The following BRINP3 variants were observed in gnomAD, a reference collection of about 807,000 sequenced individuals.
The protein encoded by BRINP3 is BMP/retinoic acid inducible neural specific 3.
In BRINP3, 19 loss-of-function variants were observed where a neutral mutation model predicts 71.0. The ratio of observed to expected loss-of-function variants is 0.27; its 90% CI spans 0.19 to 0.39. The LOEUF (loss-of-function observed/expected upper bound fraction) is 0.39, where lower values mean the gene tolerates loss of function less well. Among genes scored for constraint, BRINP3 ranks in the 10% least tolerant of loss-of-function variants. BRINP3 has a pLI of 1.00. For missense variants in BRINP3, 959 were observed against 940.8 expected, an observed-to-expected ratio of 1.02 and a Z score of -0.25; for synonymous variants, 380 against 337.7, an observed-to-expected ratio of 1.13 and a Z score of -1.37.
At position 190,098,165 on chromosome 1, in the gene BRINP3, C is replaced by T; in HGVS notation, c.2154G>A (p.Gln718=). The change falls in exon 8 of 8, where the codon CAG becomes CAA. Residue 718 remains glutamine (Q), a synonymous_variant. Transcript: ENST00000367462. The stretch of plus-strand genomic sequence containing the variant: ...AGCAAGAGAAAAGATCTAGACGACG[C>T]TGACCAGGTGGGGAGAGTTTATTTA... The part of the protein sequence containing the change: ...DRVNKLSPPG[Q]RRLDLFSCLL... 2.5e-6 allele frequency: 4 copies of T among 1,614,168 alleles called. No individual in the cohort carries two copies. Among genetic ancestry groups the T allele is most frequent in the Non-Finnish European group, 3.4e-6 (4 of 1,180,030 alleles).
chr1:190,361,169 G>T (rs952301528), intron 2 of BRINP3, among the ~76,000 whole-genome samples: 19 of 151,944 alleles, frequency 1.3e-4, no homozygotes, highest in African/African-American at 4.6e-4. Context: ...AAGGAGGGCT[G>T]TAAGAAAGAG....
At position 190,283,248 on chromosome 1, in the gene BRINP3, C is replaced by G. The variant is rs775446481; in HGVS notation, c.237-1498G>C. Among the ~76,000 whole-genome samples the G allele has an allele frequency of 1.2e-3, 183 of 151,892 alleles. 1 individual carries two copies. Among genetic ancestry groups the G allele is most frequent in the Non-Finnish European group, 8.8e-5 (6 of 67,924 alleles). On this transcript the variant is annotated intron_variant, in intron 2 of 7. Transcript: ENST00000367462. Reference sequence around the variant, plus strand: ...TAAAGTTTTAATTAGTGTTTTTCCTCGAAGGGTTCTCAAACTTCAGCACCT... The same window carrying G: ...TAAAGTTTTAATTAGTGTTTTTCCTGGAAGGGTTCTCAAACTTCAGCACCT...
At chr1:190,383,500 A>C (rs1477592814) in intron 2 of BRINP3, among the ~76,000 whole-genome samples, 2 of 152,058 alleles carry the variant, frequency 1.3e-5, no homozygotes, top group African/African-American at 4.8e-5. Flanking sequence ...ATAAACTATA[A>C]GTTACTCATA....
intron 7 of BRINP3, among the ~76,000 whole-genome samples, chr1:190,115,663 C>T (rs1376694773): frequency 6.6e-6 from 1 of 152,090 alleles, no homozygotes; most frequent in Non-Finnish European, 1.5e-5. Flanking sequence ...CCTCACCAAC[C>T]TCAGTGGTTT....
intron 6 of BRINP3, among the ~76,000 whole-genome samples, chr1:190,221,665 C>T (rs1453230763): frequency 6.6e-6 from 1 of 151,944 alleles, no homozygotes; most frequent in Non-Finnish European, 1.5e-5. Context: ...ATGTTGCCTT[C>T]AAAAAATCCA....
At chr1:190,345,715 G>GGA (rs776250039) in intron 2 of BRINP3, among the ~76,000 whole-genome samples, 12 of 103,630 alleles carry the variant, frequency 1.2e-4, no homozygotes, top group Admixed American at 2.1e-4. Flanking sequence ...TTTACCTTCA[G>GGA]AAAAAAAAAA....
chr1:190,098,461 T>A lies in BRINP3; in HGVS notation c.1858A>T (p.Thr620Ser). ...TAGATGTGTACTGTCTCAAAAAATGTCTTCCATTTGTTCCCCAGAGTTAAT... is the reference window on the plus strand; with the variant it reads ...TAGATGTGTACTGTCTCAAAAAATGACTTCCATTTGTTCCCCAGAGTTAAT... ...WTLTLGNKWKTFFETVHIYLR... is the reference protein window; with the variant it reads ...WTLTLGNKWKSFFETVHIYLR... Residue 620 changes from threonine (T) to serine (S), a missense_variant, in exon 8 of 8, where the codon ACA (threonine) becomes TCA (serine). Coordinates refer to ENST00000367462, the MANE Select transcript of BRINP3 (RefSeq NM_199051.3). 1 of 1,614,174 alleles carries A rather than the reference T, an allele frequency of 6.2e-7. No individual in the cohort carries two copies. Among genetic ancestry groups the A allele is most frequent in the Non-Finnish European group, 8.5e-7 (1 of 1,180,022 alleles).
intron 3 of BRINP3, among the ~76,000 whole-genome samples, chr1:190,272,869 C>A (rs1037478334): frequency 6.6e-6 from 1 of 151,402 alleles, no homozygotes. Context: ...CATAATAGTT[C>A]TTTTAATGAA....
At chr1:190,313,948 G>A (rs1489232693) in intron 2 of BRINP3, among the ~76,000 whole-genome samples, 1 of 151,898 alleles carries the variant, frequency 6.6e-6, no homozygotes, top group Non-Finnish European at 1.5e-5. Flanking sequence ...TTAATGTCTT[G>A]ACTAATCTTT....
At chr1:190,315,295 C>A (rs1370821838) in intron 2 of BRINP3, among the ~76,000 whole-genome samples, 1 of 152,032 alleles carries the variant, frequency 6.6e-6, no homozygotes, top group Admixed American at 6.6e-5. Context: ...CCCCCAGAGT[C>A]CAAATTAAAA....
rs571005875 is a variant in BRINP3, at chr1:190,236,681, T to C, written c.619-2204A>G. 2.6e-5 allele frequency among the ~76,000 whole-genome samples: 4 copies of C among 152,064 alleles called. No homozygotes were observed. The East Asian group carries it at 7.7e-4, about 29-fold the overall frequency. On this transcript the variant is annotated intron_variant, in intron 4 of 7. Coordinates refer to ENST00000367462, the MANE Select transcript of BRINP3 (RefSeq NM_199051.3). ...CTACTGATACTGAATAGACCTTACT[T>C]TGTTTAGAGAAATAATGTATAGTGT...
intron 2 of BRINP3, among the ~76,000 whole-genome samples, chr1:190,354,559 T>C (rs1668607383): frequency 2.6e-5 from 4 of 152,138 alleles, no homozygotes; most frequent in Admixed American, 2.6e-4. Flanking sequence ...TACAGTGAAC[T>C]ATTTGGTTAA....
chr1:190,267,261 C>T (rs1178105275), intron 3 of BRINP3, among the ~76,000 whole-genome samples: 1 of 151,904 alleles, frequency 6.6e-6, no homozygotes, highest in Non-Finnish European at 1.5e-5. Context: ...ACAAAGAAAC[C>T]TTTAGTAAAT....
At chr1:190,132,284 G>T (rs1016832021) in intron 7 of BRINP3, among the ~76,000 whole-genome samples, 1 of 151,868 alleles carries the variant, frequency 6.6e-6, no homozygotes. Flanking sequence ...TAACTTCATT[G>T]TGAAACTTTT....
chr1:190,328,889 A>C (rs1666782275), intron 2 of BRINP3, among the ~76,000 whole-genome samples: 1 of 152,078 alleles, frequency 6.6e-6, no homozygotes, highest in Non-Finnish European at 1.5e-5. Context: ...AGTAAATGTG[A>C]TTCACCACAT....
intron 2 of BRINP3, among the ~76,000 whole-genome samples, chr1:190,324,027 T>C (rs914458324): frequency 6.6e-6 from 1 of 151,950 alleles, no homozygotes; most frequent in Non-Finnish European, 1.5e-5. Flanking sequence ...TTTTTGTCCA[T>C]TTACAGGGTA....
At chr1:190,251,006 C>T (rs1286824197) in intron 4 of BRINP3, among the ~76,000 whole-genome samples, 1 of 151,692 alleles carries the variant, frequency 6.6e-6, no homozygotes, top group Non-Finnish European at 1.5e-5. Context: ...CTCTTGAGGC[C>T]AGGAGTTTGA....
intron 6 of BRINP3, among the ~76,000 whole-genome samples, chr1:190,166,119 T>G: frequency 6.6e-6 from 1 of 152,190 alleles, no homozygotes; most frequent in East Asian, 1.9e-4. Flanking sequence ...TTCAAACCAT[T>G]CTATAAGCCA....
chr1:190,343,032 C>T (rs564423773), intron 2 of BRINP3, among the ~76,000 whole-genome samples: 12 of 151,770 alleles, frequency 7.9e-5, no homozygotes, highest in East Asian at 2.0e-4. Context: ...AACAGAACTG[C>T]GGCATAGCCA....
Sources: gnomAD v4.1 joint callset for allele counts (sites outside exome capture counted in the v4.1 genomes callset) on GRCh38, gnomAD v4.1.1 for gene constraint, MANE v1.5 for transcripts, NCBI Gene and HGNC (gene_info 2026-07-23, HGNC 2026-07-21) for gene names.